The following OR2C1 variants were observed in gnomAD, a reference collection of about 807,000 sequenced individuals.
OR2C1 encodes olfactory receptor 2C1.
For missense variants in OR2C1, 468 were observed against 388.3 expected (o/e 1.21, Z -1.73); for synonymous variants, 209 against 167.3 (o/e 1.25, Z -1.92).
the OR2C1 span, among the ~76,000 whole-genome samples, chr16:3,324,154 A>G: frequency 2.6e-5 from 4 of 152,220 alleles, no homozygotes; most frequent in African/African-American, 7.2e-5. Context: ...AGCATAGGGA[A>G]CAACAGCTTG....
At chr16:3,335,936 C>G in the OR2C1 span, among the ~76,000 whole-genome samples, 24 of 152,072 alleles carry the variant, frequency 1.6e-4, no homozygotes, top group Non-Finnish European at 2.6e-4. Flanking sequence ...TTACTCTGGT[C>G]AGGATTTCCA....
At chr16:3,355,602 C>A (rs1342426615), upstream of OR2C1, among the ~76,000 whole-genome samples, 1 of 151,856 alleles carries the variant, frequency 6.6e-6, no homozygotes. Flanking sequence ...GGCAACATGG[C>A]AAAACCCCAT....
the OR2C1 span, among the ~76,000 whole-genome samples, chr16:3,341,315 G>T: frequency 6.6e-6 from 1 of 151,980 alleles, no homozygotes; most frequent in Admixed American, 6.6e-5. Context: ...CAACTTTGCT[G>T]AATTAATTTA....
chr16:3,325,028 C>T, the OR2C1 span, among the ~76,000 whole-genome samples: 9 of 152,168 alleles, frequency 5.9e-5, no homozygotes, highest in African/African-American at 2.2e-4. Context: ...GTCACCCAGA[C>T]TGGAGTGCAA....
the OR2C1 span, among the ~76,000 whole-genome samples, chr16:3,341,576 C>A: frequency 1.3e-4 from 20 of 152,170 alleles, no homozygotes; most frequent in Non-Finnish European, 2.4e-4. Flanking sequence ...ATTTTCACAA[C>A]CCCCTCCTAA....
rs758515140 is a variant in OR2C1 at position 3,356,332 on chromosome 16, G to A, written c.392G>A (p.Arg131His). 46 of 1,613,216 alleles carry A rather than the reference G, an allele frequency of 2.9e-5. No individual in the cohort carries two copies. Among genetic ancestry groups the A allele is most frequent in the South Asian group, 4.4e-5 (4 of 91,068 alleles). ...DRYVAVCRPL[R>H]YTAIMNPQLC... ...TACGTGGCAGTGTGCCGGCCCCTCC[G>A]CTACACCGCCATCATGAACCCCCAG... Residue 131 changes from arginine (R) to histidine (H), a missense_variant, in exon 1 of 1, where the codon CGC becomes CAC. By Grantham distance (29) the Arg-to-His change is conservative. Transcript: ENST00000304936.
At chr16:3,324,305 C>T in the OR2C1 span, among the ~76,000 whole-genome samples, 1 of 152,116 alleles carries the variant, frequency 6.6e-6, no homozygotes, top group South Asian at 2.1e-4. Flanking sequence ...TCTCGGGCCT[C>T]ATGCTTCCCA....
chr16:3,333,226 T>G, the OR2C1 span, among the ~76,000 whole-genome samples: 29 of 120,378 alleles, frequency 2.4e-4, no homozygotes, highest in African/African-American at 1.0e-3. Flanking sequence ...TTTTTTTTTT[T>G]TTTTTTTTTT....
At chr16:3,345,554 A>C in the OR2C1 span, among the ~76,000 whole-genome samples, 2 of 152,146 alleles carry the variant, frequency 1.3e-5, no homozygotes, top group Non-Finnish European at 2.9e-5. Context: ...ATACACATAC[A>C]CATGGTATAT....
the OR2C1 span, among the ~76,000 whole-genome samples, chr16:3,335,242 G>A: frequency 5.9e-5 from 9 of 152,154 alleles, no homozygotes; most frequent in Non-Finnish European, 8.8e-5. Context: ...GATAGAGATT[G>A]CATTGAATCT....
chr16:3,346,666 G>C, the OR2C1 span, among the ~76,000 whole-genome samples: 4 of 122,124 alleles, frequency 3.3e-5, no homozygotes, highest in African/African-American at 1.3e-4. Context: ...CTCTCACTCT[G>C]TCATCCAGGC....
chr16:3,340,816 T>G, the OR2C1 span, among the ~76,000 whole-genome samples: 1 of 152,200 alleles, frequency 6.6e-6, no homozygotes, highest in African/African-American at 2.4e-5. Context: ...AGTTTATGTA[T>G]CTGTTCTTAT....
At chr16:3,341,815 C>G in the OR2C1 span, among the ~76,000 whole-genome samples, 1 of 152,062 alleles carries the variant, frequency 6.6e-6, no homozygotes, top group Admixed American at 6.6e-5. Context: ...GATGTAGGCG[C>G]GATTGATTAT....
the OR2C1 span, among the ~76,000 whole-genome samples, chr16:3,336,835 C>T: frequency 0.06 from 9,060 of 149,758 alleles, 430 homozygotes; most frequent in East Asian, 0.3. Context: ...CAGCCTCCCG[C>T]GTAGCTGGGA....
chr16:3,332,649 A>G, the OR2C1 span, among the ~76,000 whole-genome samples: 1 of 151,758 alleles, frequency 6.6e-6, no homozygotes, highest in Non-Finnish European at 1.5e-5. Flanking sequence ...AATGACTTTC[A>G]GTTCCATCTG....
At chr16:3,325,237 C>G in the OR2C1 span, among the ~76,000 whole-genome samples, 3 of 152,002 alleles carry the variant, frequency 2.0e-5, no homozygotes, top group Admixed American at 6.6e-5. Flanking sequence ...CACCCTCAGC[C>G]TCCCAATGTG....
chr16:3,336,097 A>G, the OR2C1 span, among the ~76,000 whole-genome samples: 6 of 152,198 alleles, frequency 3.9e-5, no homozygotes, highest in African/African-American at 1.4e-4. Flanking sequence ...TATGCCTTCT[A>G]TACCTAGGTG....
the OR2C1 span, chr16:3,323,029 C>T: frequency 1.7e-5 from 11 of 630,916 alleles, no homozygotes; most frequent in Non-Finnish European, 2.2e-5. Flanking sequence ...TGCCATGAAC[C>T]TAAGCTACTG....
the OR2C1 span, among the ~76,000 whole-genome samples, chr16:3,347,889 C>T: frequency 3.3e-5 from 5 of 151,230 alleles, no homozygotes; most frequent in African/African-American, 1.2e-4. Flanking sequence ...TGCACACATG[C>T]ACACACCCAC....
Sources: allele counts gnomAD v4.1 joint callset (sites outside exome capture counted in the v4.1 genomes callset), GRCh38; gene constraint gnomAD v4.1.1; transcripts MANE v1.5; gene names NCBI Gene and HGNC (gene_info 2026-07-23, HGNC 2026-07-21).